Variants in SNTG1 observed in about 807,000 individuals in gnomAD.
SNTG1 encodes the protein gamma-1-syntrophin.
A neutral mutation model predicts 74.7 loss-of-function variants in SNTG1; 39 were observed. The observed-to-expected ratio is 0.52, with a 90% CI of 0.40 to 0.68. The LOEUF (loss-of-function observed/expected upper bound fraction) is 0.68, where lower values mean the gene tolerates loss of function less well. Among genes scored for constraint, SNTG1 ranks in the 30% least tolerant of loss-of-function variants. The pLI, the probability that SNTG1 is intolerant of heterozygous loss-of-function variation, is 0.00. For synonymous variants in SNTG1, 254 were observed against 217.1 expected (o/e 1.17, Z -1.49); for missense variants, 685 against 609.5 (o/e 1.12, Z -1.30).
At chr8:50,079,042 A>G (rs1313501644) in intron 1 of SNTG1, among the ~76,000 whole-genome samples, 1 of 152,192 alleles carries the variant, frequency 6.6e-6, no homozygotes, top group Non-Finnish European at 1.5e-5. Context: ...TCTTTATAGT[A>G]GATTGATTTA....
chr8:50,428,904 A>G (rs2093198225), intron 4 of SNTG1, among the ~76,000 whole-genome samples: 1 of 152,170 alleles, frequency 6.6e-6, no homozygotes, highest in Non-Finnish European at 1.5e-5. Flanking sequence ...CATTTAAAGT[A>G]GCATCAAAAA....
intron 1 of SNTG1, among the ~76,000 whole-genome samples, chr8:49,951,278 A>G (rs910474510): frequency 6.6e-6 from 1 of 152,240 alleles, no homozygotes; most frequent in Non-Finnish European, 1.5e-5. Context: ...AGTGGACTGA[A>G]AAATAAAAGT....
chr8:50,256,719 A>G (rs1439563973), intron 2 of SNTG1, among the ~76,000 whole-genome samples: 3 of 152,146 alleles, frequency 2.0e-5, no homozygotes, highest in Non-Finnish European at 2.9e-5. Flanking sequence ...TGCATTTTTA[A>G]GAAATCAATG....
At chr8:50,460,298 G>C (rs2093548679) in intron 8 of SNTG1, among the ~76,000 whole-genome samples, 1 of 152,060 alleles carries the variant, frequency 6.6e-6, no homozygotes, top group Admixed American at 6.6e-5. Flanking sequence ...AGAAGTGTCT[G>C]TTCATGTCTT....
intron 2 of SNTG1, among the ~76,000 whole-genome samples, chr8:50,261,609 TG>T (rs1371537499): frequency 6.6e-6 from 1 of 152,050 alleles, no homozygotes; most frequent in Non-Finnish European, 1.5e-5. Context: ...ATAAGTGAAA[TG>T]AAAGTAATGA....
At chr8:50,218,638 G>A (rs1008048884) in intron 2 of SNTG1, among the ~76,000 whole-genome samples, 1 of 151,170 alleles carries the variant, frequency 6.6e-6, no homozygotes, top group Non-Finnish European at 1.5e-5. Context: ...AATATGTTAT[G>A]GTTATTGAAA....
intron 2 of SNTG1, among the ~76,000 whole-genome samples, chr8:50,296,027 G>A (rs2089351969): frequency 6.6e-6 from 1 of 152,114 alleles, no homozygotes; most frequent in African/African-American, 2.4e-5. Context: ...AAAGTGTTTA[G>A]GAAGATTTTT....
At chr8:50,609,397 A>C (rs544808666) in intron 13 of SNTG1, among the ~76,000 whole-genome samples, 1 of 152,252 alleles carries the variant, frequency 6.6e-6, no homozygotes, top group South Asian at 2.1e-4. Context: ...TTTCTGATAT[A>C]AAGTTAGCTG....
At chr8:50,008,547 T>A (rs1341887047) in intron 1 of SNTG1, among the ~76,000 whole-genome samples, 2 of 152,178 alleles carry the variant, frequency 1.3e-5, no homozygotes, top group African/African-American at 4.8e-5. Context: ...GATGGATGGA[T>A]GGATCAATGG....
At chr8:50,534,025 T>C (rs867503120) in intron 10 of SNTG1, among the ~76,000 whole-genome samples, 7 of 152,248 alleles carry the variant, frequency 4.6e-5, no homozygotes, top group Middle Eastern at 3.2e-3. Flanking sequence ...TATTGTATTT[T>C]ATGAAAGATG....
chr8:50,154,274 T>C, intron 1 of SNTG1, among the ~76,000 whole-genome samples: 1 of 152,136 alleles, frequency 6.6e-6, no homozygotes, highest in East Asian at 1.9e-4. Context: ...CTAAGACCCT[T>C]GGAAAAGTGC....
rs934044513 is a variant in SNTG1, at chr8:50,162,472, G to A, written c.-102-10089G>A. Among the ~76,000 whole-genome samples the A allele has an allele frequency of 4.7e-5, 7 of 148,406 alleles. No individual in the cohort carries two copies. In the Admixed American group the frequency reaches 4.8e-4, roughly 10 times the overall value. Reference sequence around the variant, plus strand: ...GGCTACTTGGGAGGCTGAGGCAGGAGAACGGCATGAACCCGGGAGGTGGAG... The same window carrying A: ...GGCTACTTGGGAGGCTGAGGCAGGAAAACGGCATGAACCCGGGAGGTGGAG... On this transcript the variant is annotated intron_variant, in intron 1 of 18. Coordinates refer to ENST00000642720, the MANE Select transcript of SNTG1 (RefSeq NM_018967.5).
rs577352476 is a variant in SNTG1, at chr8:50,686,917, T to C, written c.1039-17683T>C. Reference sequence around the variant, plus strand: ...TTGGGAGGCCGAGGCGGGTGGATCATGAGGTCAGGAGATCGAGACCATCCT... The same window carrying C: ...TTGGGAGGCCGAGGCGGGTGGATCACGAGGTCAGGAGATCGAGACCATCCT... On this transcript the variant is annotated intron_variant, in intron 15 of 18. Coordinates refer to ENST00000642720, the MANE Select transcript of SNTG1 (RefSeq NM_018967.5). 6.1e-3 allele frequency among the ~76,000 whole-genome samples: 926 copies of C among 150,650 alleles called. 2 individuals are homozygous for C. Among genetic ancestry groups the C allele is most frequent in the Non-Finnish European group, 0.011 (726 of 67,638 alleles).
intron 8 of SNTG1, chr8:50,491,206 G>A (rs1587806788): frequency 6.6e-6 from 1 of 152,372 alleles, no homozygotes; most frequent in East Asian, 1.9e-4. Flanking sequence ...GACACACCTC[G>A]GACAGCCAAC....
At chr8:50,614,815 A>T (rs190829366) in intron 13 of SNTG1, among the ~76,000 whole-genome samples, 110 of 152,312 alleles carry the variant, frequency 7.2e-4, no homozygotes, top group African/African-American at 2.4e-3. Context: ...AAAACCATGA[A>T]TGCATTATAC....
At chr8:50,023,473 G>A (rs1213188169) in intron 1 of SNTG1, among the ~76,000 whole-genome samples, 1 of 152,118 alleles carries the variant, frequency 6.6e-6, no homozygotes, top group Non-Finnish European at 1.5e-5. Flanking sequence ...TCCAATCACA[G>A]TAGAACTTAT....
At chr8:50,177,821 C>A (rs1407704607) in intron 2 of SNTG1, among the ~76,000 whole-genome samples, 1 of 152,170 alleles carries the variant, frequency 6.6e-6, no homozygotes, top group African/African-American at 2.4e-5. Flanking sequence ...ATTACAGTGT[C>A]ATGCAGAGGA....
chr8:49,917,627 C>G (rs894048280), intron 1 of SNTG1, among the ~76,000 whole-genome samples: 3 of 150,750 alleles, frequency 2.0e-5, no homozygotes, highest in African/African-American at 4.8e-5. Context: ...AACTACCGCT[C>G]TCTCATTTCT....
chr8:50,506,019 AT>A (rs1371095561), intron 9 of SNTG1, among the ~76,000 whole-genome samples: 1 of 152,046 alleles, frequency 6.6e-6, no homozygotes, highest in African/African-American at 2.4e-5. Context: ...TGTTGAGTCA[AT>A]TTTTATACAT....
Sources: gnomAD v4.1 joint callset for allele counts (sites outside exome capture counted in the v4.1 genomes callset) on GRCh38, gnomAD v4.1.1 for gene constraint, MANE v1.5 for transcripts, NCBI Gene and HGNC (gene_info 2026-07-23, HGNC 2026-07-21) for gene names.